The following UBE2G1 variants were observed in gnomAD, a reference collection of about 807,000 sequenced individuals.
UBE2G1 encodes the protein ubiquitin conjugating enzyme E2 G1.
Under a neutral mutation model 22.7 loss-of-function variants are expected in UBE2G1, and 5 were observed. The ratio of observed to expected loss-of-function variants is 0.22; its 90% CI spans 0.12 to 0.46. The LOEUF (loss-of-function observed/expected upper bound fraction) is 0.46, where lower values mean the gene tolerates loss of function less well. UBE2G1 is among the 20% of genes least tolerant of loss of function. The pLI, the probability that UBE2G1 is intolerant of heterozygous loss-of-function variation, is 0.99. For synonymous variants in UBE2G1, 74 were observed against 67.5 expected (o/e 1.10, Z -0.47); for missense variants, 88 against 203.9 (o/e 0.43, Z 3.46).
chr17:4,335,766 T>A (rs1177747990), intron 1 of UBE2G1, among the ~76,000 whole-genome samples: 2 of 152,260 alleles, frequency 1.3e-5, no homozygotes, highest in Non-Finnish European at 2.9e-5. Context: ...ACCAACGGTA[T>A]CTTAGACATA....
intron 2 of UBE2G1, among the ~76,000 whole-genome samples, chr17:4,303,493 T>C (rs1369132540): frequency 6.6e-6 from 1 of 152,176 alleles, no homozygotes; most frequent in Non-Finnish European, 1.5e-5. Context: ...AGACCAAATT[T>C]AAGTAATTGT....
chr17:4,357,928 C>T (rs982984233), intron 1 of UBE2G1, among the ~76,000 whole-genome samples: 1 of 151,790 alleles, frequency 6.6e-6, no homozygotes, highest in African/African-American at 2.4e-5. Flanking sequence ...AGCAAGACCC[C>T]ATCTCTATTT....
chr17:4,289,986 C>T (rs1422894881), intron 3 of UBE2G1, among the ~76,000 whole-genome samples: 2 of 152,072 alleles, frequency 1.3e-5, no homozygotes, highest in Non-Finnish European at 2.9e-5. Context: ...TCAACATATA[C>T]GACACTCAAG....
At chr17:4,348,855 C>T (rs953284255) in intron 1 of UBE2G1, among the ~76,000 whole-genome samples, 18 of 149,962 alleles carry the variant, frequency 1.2e-4, no homozygotes, top group Non-Finnish European at 2.2e-4. Context: ...AACAAGACTC[C>T]GTCTCAAAAA....
intron 2 of UBE2G1, among the ~76,000 whole-genome samples, chr17:4,305,390 G>T (rs1427148323): frequency 2.0e-5 from 3 of 152,102 alleles, no homozygotes; most frequent in Admixed American, 1.3e-4. Flanking sequence ...CTGAGCAAAG[G>T]CTAGTGATCT....
At chr17:4,330,464 G>A (rs919532310) in intron 1 of UBE2G1, among the ~76,000 whole-genome samples, 7 of 152,122 alleles carry the variant, frequency 4.6e-5, no homozygotes, top group African/African-American at 1.4e-4. Flanking sequence ...TCAGCCAGTC[G>A]CGGTGGCTCA....
chr17:4,272,620 AATTTC>A, intron 5 of UBE2G1, 104 bp from the exon 6 acceptor site: 1 of 186,474 alleles, frequency 5.4e-6, no homozygotes, highest in Admixed American at 4.2e-5. Context: ...ACAAATCCTT[AATTTC>A]ATTCTGAGCT....
At chr17:4,353,701 C>T (rs569946855) in intron 1 of UBE2G1, among the ~76,000 whole-genome samples, 1 of 151,834 alleles carries the variant, frequency 6.6e-6, no homozygotes, top group East Asian at 1.9e-4. Flanking sequence ...TTAGTAGAGA[C>T]GGGTTTCACT....
chr17:4,282,709 T>A (rs1230380225), intron 5 of UBE2G1, 89 bp downstream of exon 5: 2 of 808,634 alleles, frequency 2.5e-6, no homozygotes, highest in Non-Finnish European at 2.0e-6. Flanking sequence ...AATGAAAAAA[T>A]GTAATTCAAA....
Position 4,280,923 on chromosome 17 carries a change from G to A in UBE2G1, c.*37+1875C>T, listed in dbSNP as rs555983815. ...GCTGGGATTACAGGTGTGAGCCACC[G>A]CACCTGGCCACAAAGGGGATCTTTA... On this transcript the variant is annotated intron_variant, in intron 5 of 5. Transcript: ENST00000396981. 2.0e-4 allele frequency among the ~76,000 whole-genome samples: 31 copies of A among 152,206 alleles called. 1 individual carries two copies. Among genetic ancestry groups the A allele is most frequent in the Admixed American group, 1.5e-3 (23 of 15,278 alleles).
At chr17:4,338,832 C>T (rs1245571196) in intron 1 of UBE2G1, among the ~76,000 whole-genome samples, 1 of 152,182 alleles carries the variant, frequency 6.6e-6, no homozygotes, top group Admixed American at 6.5e-5. Context: ...CAGCACCATC[C>T]TCTTTGTGCC....
chr17:4,356,307 G>A (rs987303633), intron 1 of UBE2G1, among the ~76,000 whole-genome samples: 8 of 151,712 alleles, frequency 5.3e-5, no homozygotes, highest in African/African-American at 1.7e-4. Context: ...GCAGTGAGCC[G>A]AGATGGTGCT....
chr17:4,290,225 T>A (rs571473439), intron 3 of UBE2G1, among the ~76,000 whole-genome samples: 2 of 152,334 alleles, frequency 1.3e-5, no homozygotes, highest in Admixed American at 6.5e-5. Context: ...AAATCATACT[T>A]TGAGGAAGAA....
intron 1 of UBE2G1, among the ~76,000 whole-genome samples, chr17:4,318,948 G>T (rs1011322192): frequency 6.6e-6 from 1 of 152,104 alleles, no homozygotes; most frequent in Non-Finnish European, 1.5e-5. Context: ...TATTTTTAAA[G>T]AAGACCAGAA....
At chr17:4,279,785 TTATATATATATATATATATATA>T (rs71144177) in intron 5 of UBE2G1, among the ~76,000 whole-genome samples, 21,253 of 68,724 alleles carry the variant, frequency 0.31, 2,427 homozygotes, top group Non-Finnish European at 0.41. Flanking sequence ...CAAAAAAAAG[TTATATATATATATATATATATA>T]TATATATATA....
chr17:4,302,195 T>C, intron 2 of UBE2G1: 1 of 510,630 alleles, frequency 2.0e-6, no homozygotes, highest in South Asian at 1.5e-5. Context: ...TTGGATTTTC[T>C]TTCCAGGCAG....
intron 1 of UBE2G1, among the ~76,000 whole-genome samples, chr17:4,360,908 G>A (rs1194461360): frequency 2.0e-5 from 3 of 151,284 alleles, no homozygotes; most frequent in African/African-American, 4.9e-5. Flanking sequence ...GTGAAGCTCC[G>A]TCTCAAAAAA....
At chr17:4,344,044 A>T (rs550838481) in intron 1 of UBE2G1, among the ~76,000 whole-genome samples, 6 of 152,284 alleles carry the variant, frequency 3.9e-5, no homozygotes, top group Non-Finnish European at 8.8e-5. Flanking sequence ...AACAAATACA[A>T]TGGTACTCCA....
chr17:4,323,353 C>G (rs1036040919), intron 1 of UBE2G1, among the ~76,000 whole-genome samples: 2 of 152,132 alleles, frequency 1.3e-5, no homozygotes, highest in African/African-American at 2.4e-5. Flanking sequence ...GATTAAATAT[C>G]AATTACTGAT....
Sources: allele counts gnomAD v4.1 joint callset (sites outside exome capture counted in the v4.1 genomes callset), GRCh38; gene constraint gnomAD v4.1.1; transcripts MANE v1.5; gene names NCBI Gene and HGNC (gene_info 2026-07-23, HGNC 2026-07-21).